Variants in UGT1A5 observed in about 807,000 individuals in gnomAD.
The protein encoded by UGT1A5 is UDP glucuronosyltransferase family 1 member A5.
In UGT1A5, 29 loss-of-function variants were observed where a neutral mutation model predicts 40.3. That is an observed-to-expected ratio of 0.72 (90% CI 0.54 to 0.98). UGT1A5 has a LOEUF of 0.98. UGT1A5 is among the 50% of genes least tolerant of loss of function. The pLI is 0.00. For missense variants in UGT1A5, 678 were observed against 677.9 expected, an observed-to-expected ratio of 1.00 and a Z score of 0.00; for synonymous variants, 257 against 262.5, an observed-to-expected ratio of 0.98 and a Z score of 0.20.
intron 1 of UGT1A5, among the ~76,000 whole-genome samples, chr2:233,746,651 T>C (rs1051352282): frequency 6.6e-6 from 1 of 151,816 alleles, no homozygotes; most frequent in African/African-American, 2.4e-5. Context: ...CTTGGCTTTC[T>C]GTCCCGAGTT....
chr2:233,719,129 A>C lies in UGT1A5; in HGVS notation c.867+5271A>C, dbSNP rs1422705774. 6 of 1,614,158 alleles carry C rather than the reference A, an allele frequency of 3.7e-6. No individual in the cohort carries two copies. In the African/African-American group the frequency reaches 6.7e-5, roughly 18 times the overall value. ...GCTACACTCAAGGGTTCTTTGAAACAGAACATCTTCTGAAGAGATATTCTA... is the reference window on the plus strand; with the variant it reads ...GCTACACTCAAGGGTTCTTTGAAACCGAACATCTTCTGAAGAGATATTCTA... On this transcript the variant is annotated intron_variant, in intron 1 of 4. Transcript: ENST00000373414.
At chr2:233,742,441 G>A (rs1332580930) in intron 1 of UGT1A5, among the ~76,000 whole-genome samples, 1 of 151,942 alleles carries the variant, frequency 6.6e-6, no homozygotes, top group African/African-American at 2.4e-5. Flanking sequence ...CCCTGGGTGG[G>A]CCAGGTGTTC....
intron 4 of UGT1A5, chr2:233,770,452 G>C (rs1050174931): frequency 6.6e-6 from 1 of 152,078 alleles, no homozygotes; most frequent in African/African-American, 2.4e-5. Context: ...TTAGGAGTTC[G>C]AAACCAACCT....
rs565810764 is a variant in UGT1A5 at position 233,741,358 on chromosome 2, A to G, written c.868-25676A>G. ...GTAGTGATTTCCAACACACAAAACC[A>G]CAATGAAACTGCCCATGCCTTTCTA... On this transcript the variant is annotated intron_variant, in intron 1 of 4. Coordinates refer to ENST00000373414, the MANE Select transcript of UGT1A5 (RefSeq NM_019078.2). Among the ~76,000 whole-genome samples the G allele has an allele frequency of 2.0e-5, 3 of 151,842 alleles. No individual in the cohort carries two copies. In the East Asian group the frequency reaches 5.8e-4, roughly 29 times the overall value.
chr2:233,772,803 T>C lies in UGT1A5; in HGVS notation c.*244T>C. On this transcript the variant is annotated 3_prime_UTR_variant, in exon 5 of 5. Transcript: ENST00000373414. The stretch of plus-strand genomic sequence containing the variant: ...TTGATCAGGATGACATGTGCCATTT[T>C]TCAGAGGACGTGCAGACAGGCTGGC... 8.8e-7 allele frequency: 1 copy of C among 1,134,554 alleles called. No homozygotes were observed. Among genetic ancestry groups the C allele is most frequent in the Non-Finnish European group, 1.2e-6 (1 of 843,778 alleles). The allele number at this position is 1,134,554 out of a possible 1,614,324, so 70.3% of individuals were successfully genotyped here.
rs114982090 is a variant in UGT1A5, at chr2:233,772,309, C to T, written c.1355C>T (p.Pro452Leu). The T allele has an allele frequency of 2.3e-4, 377 of 1,614,206 alleles. No individual in the cohort carries two copies. The East Asian group carries it at 3.1e-3, about 13-fold the overall frequency. ...MRLSSLHKDR[P>L]VEPLDLAVFW... Reference sequence around the variant, plus strand: ...CTCTCCAGCCTTCACAAGGACCGCCCGGTGGAGCCGCTGGACCTGGCCGTG... The same window carrying T: ...CTCTCCAGCCTTCACAAGGACCGCCTGGTGGAGCCGCTGGACCTGGCCGTG... The change falls in exon 5 of 5, where the codon CCG becomes CTG. Residue 452 changes from proline (P) to leucine (L), a missense_variant. Pro to Leu is a moderately conservative substitution (Grantham distance 98). Coordinates refer to ENST00000373414, the MANE Select transcript of UGT1A5 (RefSeq NM_019078.2).
chr2:233,750,338 T>A (rs1437609393), intron 1 of UGT1A5, among the ~76,000 whole-genome samples: 1 of 151,900 alleles, frequency 6.6e-6, no homozygotes, highest in Non-Finnish European at 1.5e-5. Context: ...AGAGAGATGA[T>A]CTGAAATTGG....
chr2:233,751,852 T>C (rs1461134305), intron 1 of UGT1A5, among the ~76,000 whole-genome samples: 2 of 152,196 alleles, frequency 1.3e-5, no homozygotes, highest in East Asian at 1.9e-4. Context: ...TTTAAACCTT[T>C]GTCTTTTATA....
chr2:233,724,487 G>GT (rs1420633653), intron 1 of UGT1A5, among the ~76,000 whole-genome samples: 1 of 75,448 alleles, frequency 1.3e-5, no homozygotes, highest in African/African-American at 5.0e-5. Flanking sequence ...CTCAGACGGG[G>GT]CGGCCGGGCA....
intron 1 of UGT1A5, chr2:233,729,363 C>A (rs747061628): frequency 6.2e-7 from 1 of 1,614,038 alleles, no homozygotes; most frequent in Admixed American, 1.7e-5. Context: ...CCCTGACAAC[C>A]TATGCCATTT....
chr2:233,761,977 C>T (rs1011491640), intron 1 of UGT1A5, among the ~76,000 whole-genome samples: 8 of 152,204 alleles, frequency 5.3e-5, no homozygotes, highest in African/African-American at 1.9e-4. Context: ...ATATCACCTT[C>T]GGAGGTGACC....
chr2:233,718,388 G>T (rs189947965), intron 1 of UGT1A5, among the ~76,000 whole-genome samples: 20 of 152,300 alleles, frequency 1.3e-4, no homozygotes, highest in African/African-American at 4.6e-4. Context: ...GAGTTTCAAG[G>T]GTTAGCAAAT....
At chr2:233,746,047 C>G (rs1179932554) in intron 1 of UGT1A5, among the ~76,000 whole-genome samples, 1 of 151,694 alleles carries the variant, frequency 6.6e-6, no homozygotes, top group South Asian at 2.1e-4. Flanking sequence ...GGCTTGGATG[C>G]AGGGTCTAGA....
intron 1 of UGT1A5, among the ~76,000 whole-genome samples, chr2:233,724,823 G>C (rs377063392): frequency 1.5e-5 from 2 of 135,304 alleles, no homozygotes; most frequent in Admixed American, 7.3e-5. Context: ...CTGCAATCTC[G>C]GCACTTTGGG....
At chr2:233,732,936 C>G (rs2078338075) in intron 1 of UGT1A5, among the ~76,000 whole-genome samples, 1 of 152,082 alleles carries the variant, frequency 6.6e-6, no homozygotes, top group African/African-American at 2.4e-5. Flanking sequence ...TTCTTCCTAT[C>G]CATGAGCATG....
chr2:233,772,688 G>A lies in UGT1A5; in HGVS notation c.*129G>A, dbSNP rs1369161059. The A allele has an allele frequency of 1.3e-6, 2 of 1,494,182 alleles. No individual in the cohort carries two copies. Among genetic ancestry groups the A allele is most frequent in the Non-Finnish European group, 1.8e-6 (2 of 1,128,718 alleles). 92.6% of individuals were successfully genotyped at this position (1,494,182 alleles called of 1,614,324 possible). A position where few individuals can be genotyped will look rare whatever the true frequency, so the allele number is the denominator to read the frequency against. Reference sequence around the variant, plus strand: ...ACTTTGCATAAATTAATCAGCCCCAGAGTGCTTTAAAAAATTCTCTTAAAT... The same window carrying A: ...ACTTTGCATAAATTAATCAGCCCCAAAGTGCTTTAAAAAATTCTCTTAAAT... On this transcript the variant is annotated 3_prime_UTR_variant, in exon 5 of 5. Transcript: ENST00000373414.
chr2:233,719,117 G>A (rs761490999), intron 1 of UGT1A5: 5 of 1,614,258 alleles, frequency 3.1e-6, no homozygotes, highest in Admixed American at 3.3e-5. Context: ...ACACTCAAGG[G>A]TTCTTTGAAA....
In UGT1A5 at chr2:233,755,021, G is replaced by A. The variant is rs1378604817; in HGVS notation, c.868-12013G>A. 6 of 1,305,166 alleles carry A rather than the reference G, an allele frequency of 4.6e-6. No individual in the cohort carries two copies. In the East Asian group the frequency reaches 2.8e-4, roughly 60 times the overall value. The allele number at this position is 1,305,166 out of a possible 1,614,324, so 80.8% of individuals were successfully genotyped here. A position where few individuals can be genotyped will look rare whatever the true frequency, so the allele number is the denominator to read the frequency against. Reference sequence around the variant, plus strand: ...TGAAGACCTACTCGAAGGGGTCCTTGAAGGGCCTGCCGCCTGCGCAGCCGC... The same window carrying A: ...TGAAGACCTACTCGAAGGGGTCCTTAAAGGGCCTGCCGCCTGCGCAGCCGC... On this transcript the variant is annotated intron_variant, in intron 1 of 4. Transcript: ENST00000373414.
At chr2:233,733,135 T>C (rs2078360537) in intron 1 of UGT1A5, among the ~76,000 whole-genome samples, 1 of 152,236 alleles carries the variant, frequency 6.6e-6, no homozygotes, top group Admixed American at 6.5e-5. Flanking sequence ...ATAGGAATGC[T>C]TGTGATTTTT....
Sources: allele counts gnomAD v4.1 joint callset (sites outside exome capture counted in the v4.1 genomes callset), GRCh38; gene constraint gnomAD v4.1.1; transcripts MANE v1.5; gene names NCBI Gene and HGNC (gene_info 2026-07-23, HGNC 2026-07-21).